ETS1: variants seen among roughly 807,000 people sequenced by gnomAD.
ETS1 encodes protein C-ets-1.
ETS1 carries 15 observed loss-of-function variants against 58.6 expected under a neutral mutation model. The observed-to-expected ratio is 0.26, with a 90% CI of 0.17 to 0.39. The LOEUF is 0.39. Ranked by LOEUF, ETS1 falls within the 10% of genes least tolerant of loss-of-function variation. ETS1 has a pLI of 1.00. For synonymous variants in ETS1, 214 were observed against 218.2 expected (o/e 0.98, Z 0.17); for missense variants, 417 against 610.5 (o/e 0.68, Z 3.34).
chr11:128,518,720 C>T (rs1021715098), intron 3 of ETS1, among the ~76,000 whole-genome samples: 3 of 152,172 alleles, frequency 2.0e-5, no homozygotes, highest in Non-Finnish European at 2.9e-5. Flanking sequence ...GGCAGCTCTG[C>T]CCTTCTTTCT....
intron 3 of ETS1, among the ~76,000 whole-genome samples, chr11:128,548,477 A>G (rs547104996): frequency 6.6e-6 from 1 of 152,296 alleles, no homozygotes; most frequent in African/African-American, 2.4e-5. Flanking sequence ...CCTGTGCCCC[A>G]AACAGCCCTA....
chr11:128,466,854 T>C (rs1461277822), intron 8 of ETS1, among the ~76,000 whole-genome samples: 4 of 151,984 alleles, frequency 2.6e-5, no homozygotes, highest in Non-Finnish European at 5.9e-5. Context: ...GGAATATGAA[T>C]GGGAAGAAAT....
chr11:128,559,052 A>G (rs535934664), intron 2 of ETS1, among the ~76,000 whole-genome samples: 5 of 152,196 alleles, frequency 3.3e-5, no homozygotes, highest in Non-Finnish European at 7.4e-5. Flanking sequence ...CTTTTGGGAC[A>G]GCATGCATGG....
In ETS1 at chr11:128,585,059, A is replaced by G. The variant is rs1349640282; in HGVS notation, c.-15+2429T>C. Reference sequence around the variant, plus strand: ...AAGAAAGAAAGAAAGAAAGAAAGAAAGAAAGAAAGAAAGAAAGAGAAAGAA... The same window carrying G: ...AAGAAAGAAAGAAAGAAAGAAAGAAGGAAAGAAAGAAAGAAAGAGAAAGAA... On this transcript the variant is annotated intron_variant, in intron 1 of 9. Coordinates refer to ENST00000392668, the MANE Select transcript of ETS1 (RefSeq NM_001143820.2). 1.2e-3 allele frequency among the ~76,000 whole-genome samples: 29 copies of G among 23,806 alleles called. 3 individuals carry two copies. The highest frequency in any genetic ancestry group is 8.8e-3 in the Middle Eastern group (1 of 114). The allele number at this position is 23,806 out of a possible 152,430, so 15.6% of individuals were successfully genotyped here.
Position 128,462,384 on chromosome 11 carries a change from C to G in ETS1, c.1435G>C (p.Val479Leu). Residue 479 changes from valine (V) to leucine (L), a missense_variant, in exon 10 of 10, where the codon GTC (valine) becomes CTC (leucine). Physicochemically the swap from Val to Leu is conservative, Grantham distance 32. Coordinates refer to ENST00000392668, the MANE Select transcript of ETS1 (RefSeq NM_001143820.2). ...TPEELHAMLD[V>L]KPDADE ...CATCACTCGTCGGCATCTGGCTTGA[C>G]GTCCAGCATGGCGTGCAGCTCCTCA... 6.2e-7 allele frequency: 1 copy of G among 1,613,448 alleles called. No individual in the cohort carries two copies. Among genetic ancestry groups the G allele is most frequent in the Non-Finnish European group, 8.5e-7 (1 of 1,179,384 alleles).
rs138151659 is a variant in ETS1, at chr11:128,463,832, C to G, written c.1124-205G>C. The G allele has an allele frequency of 1.5e-4, 57 of 390,498 alleles. No homozygotes were observed. Among genetic ancestry groups the G allele is most frequent in the African/African-American group, 9.6e-4 (47 of 48,878 alleles). The allele number at this position is 390,498 out of a possible 1,614,324, so 24.2% of individuals were successfully genotyped here. On this transcript the variant is annotated intron_variant, in intron 8 of 9. Transcript: ENST00000392668. This position sits in a 1 kb window ranked among gnomAD's most constrained non-coding sequence, Gnocchi z 4.1. ...CAAAGGCCTCCCTATAAAACAAAAG[C>G]ATGGAAGAAAATGTGTCAAGTGCTT...
chr11:128,549,535 C>T lies in ETS1; in HGVS notation c.214+6756G>A, dbSNP rs187689203. Among the ~76,000 whole-genome samples the T allele has an allele frequency of 1.3e-3, 201 of 152,266 alleles. 4 individuals carry two copies. In the East Asian group the frequency reaches 0.035, roughly 26 times the overall value. ...AAAAAGTTGAGAGAACGTTTTTTCT[C>T]TCCGCAGCCCCCTGGGAGTCCCAGC... On this transcript the variant is annotated intron_variant, in intron 3 of 9. Transcript: ENST00000392668. This position sits in a 1 kb window ranked among gnomAD's most constrained non-coding sequence, Gnocchi z 4.3.
chr11:128,458,920 T>C lies in ETS1; in HGVS notation c.*3441A>G, dbSNP rs1861835630. 1 of 150,528 alleles carries C rather than the reference T, an allele frequency of 6.6e-6. No homozygotes were observed. The highest frequency in any genetic ancestry group is 6.9e-5 in the Admixed American group (1 of 14,542). The allele number at this position is 150,528 out of a possible 1,614,324, so 9.3% of individuals were successfully genotyped here. ...ACTCCGCCATAAGAATTTTTTTGCA[T>C]TTTTTTTTAAAAAAACATCGACACT... On this transcript the variant is annotated 3_prime_UTR_variant, in exon 10 of 10. Transcript: ENST00000392668. This position sits in a 1 kb window ranked among gnomAD's most constrained non-coding sequence, Gnocchi z 4.3.
chr11:128,548,042 A>G (rs1864158222), intron 3 of ETS1, among the ~76,000 whole-genome samples: 1 of 151,230 alleles, frequency 6.6e-6, no homozygotes, highest in Non-Finnish European at 1.5e-5. Flanking sequence ...TGAAGATGGA[A>G]CCTGGAGGCA....
chr11:128,504,874 G>A (rs1863188938), intron 3 of ETS1: 1 of 152,154 alleles, frequency 6.6e-6, no homozygotes, highest in Non-Finnish European at 1.5e-5. Context: ...TAAATATGAT[G>A]GGATTTTACA....
chr11:128,462,173 A>G lies in ETS1; in HGVS notation c.*188T>C, dbSNP rs1037576035. Reference sequence around the variant, plus strand: ...AATTTCTGGTCCCACCCACCCCACAAGTCCTGGCTTTCCTTTCCCAACTGC... The same window carrying G: ...AATTTCTGGTCCCACCCACCCCACAGGTCCTGGCTTTCCTTTCCCAACTGC... On this transcript the variant is annotated 3_prime_UTR_variant, in exon 10 of 10. Coordinates refer to ENST00000392668, the MANE Select transcript of ETS1 (RefSeq NM_001143820.2). 1.3e-5 allele frequency: 7 copies of G among 546,902 alleles called. No individual in the cohort carries two copies. Among genetic ancestry groups the G allele is most frequent in the African/African-American group, 1.1e-4 (6 of 53,340 alleles). The allele number at this position is 546,902 out of a possible 1,614,324, so 33.9% of individuals were successfully genotyped here.
intron 1 of ETS1, among the ~76,000 whole-genome samples, chr11:128,573,818 G>A (rs1490488647): frequency 6.6e-6 from 1 of 152,126 alleles, no homozygotes; most frequent in African/African-American, 2.4e-5. Context: ...ATTACATATC[G>A]AACATCTCTG....
chr11:128,563,550 C>T (rs771877612), intron 2 of ETS1, among the ~76,000 whole-genome samples: 2 of 152,156 alleles, frequency 1.3e-5, no homozygotes, highest in Non-Finnish European at 2.9e-5. Flanking sequence ...TCCTTGCCAA[C>T]TCTGTGTCAT....
intron 8 of ETS1, among the ~76,000 whole-genome samples, chr11:128,465,488 C>G (rs926872390): frequency 6.6e-6 from 1 of 152,106 alleles, no homozygotes; most frequent in Non-Finnish European, 1.5e-5. Flanking sequence ...CAAAACTAAC[C>G]GTGACATTCT....
Position 128,522,078 on chromosome 11 carries a change from G to C in ETS1, c.215-31502C>G, listed in dbSNP as rs556814710. ...CTTTTTAATGAGGATTAGTAACAGG[G>C]GGAAGGGGACGGGGGAAATCCGACT... On this transcript the variant is annotated intron_variant, in intron 3 of 9. Coordinates refer to ENST00000392668, the MANE Select transcript of ETS1 (RefSeq NM_001143820.2). The C allele has an allele frequency of 4.3e-5, 60 of 1,393,698 alleles. No individual in the cohort carries two copies. In the African/African-American group the frequency reaches 7.9e-4, roughly 18 times the overall value. 86.3% of individuals were successfully genotyped at this position (1,393,698 alleles called of 1,614,324 possible). A position where few individuals can be genotyped will look rare whatever the true frequency, so the allele number is the denominator to read the frequency against.
At chr11:128,475,812 A>G (rs1220188570) in intron 8 of ETS1, among the ~76,000 whole-genome samples, 1 of 151,608 alleles carries the variant, frequency 6.6e-6, no homozygotes, top group East Asian at 1.9e-4. Context: ...CTGCCTCCCA[A>G]AGTGCTGGGA....
intron 3 of ETS1, among the ~76,000 whole-genome samples, chr11:128,531,048 A>C (rs572752616): frequency 6.6e-6 from 1 of 152,334 alleles, no homozygotes; most frequent in East Asian, 1.9e-4. Flanking sequence ...TAGTCCATAC[A>C]AAAACCTGCA....
At chr11:128,527,752 C>A (rs1385024361) in intron 3 of ETS1, among the ~76,000 whole-genome samples, 1 of 152,226 alleles carries the variant, frequency 6.6e-6, no homozygotes, top group African/African-American at 2.4e-5. Flanking sequence ...CAGGTGGTTT[C>A]ATCCTGGTGG....
intron 5 of ETS1, among the ~76,000 whole-genome samples, chr11:128,487,532 G>A (rs923806034): frequency 6.6e-6 from 1 of 152,006 alleles, no homozygotes; most frequent in Non-Finnish European, 1.5e-5. Context: ...CGAGGTCAAG[G>A]GATCAAGACC....
Sources: gnomAD v4.1 joint callset for allele counts (sites outside exome capture counted in the v4.1 genomes callset) on GRCh38, gnomAD v4.1.1 for gene constraint, Gnocchi (gnomAD v3.1) non-coding constraint, MANE v1.5 for transcripts, NCBI Gene and HGNC (gene_info 2026-07-23, HGNC 2026-07-21) for gene names.